SPIRE1: variants seen among roughly 807,000 people sequenced by gnomAD.
SPIRE1 encodes protein spire homolog 1.
In SPIRE1, 40 loss-of-function variants were observed where a neutral mutation model predicts 94.1. The observed-to-expected ratio is 0.43, with a 90% CI of 0.33 to 0.55. The LOEUF (loss-of-function observed/expected upper bound fraction) is 0.55. SPIRE1 is among the 20% of genes least tolerant of loss of function. The probability of loss-of-function intolerance (pLI) is 0.06; values close to 1 mark genes in which losing one functional copy is unlikely to be tolerated. For synonymous variants in SPIRE1, 376 were observed against 371.7 expected, an observed-to-expected ratio of 1.01 and a Z score of -0.13; for missense variants, 838 against 975.2, an observed-to-expected ratio of 0.86 and a Z score of 1.87.
intron 12 of SPIRE1, among the ~76,000 whole-genome samples, chr18:12,461,440 A>ATGTACATATGTACG (rs1568183719): frequency 3.4e-5 from 4 of 119,380 alleles, no homozygotes; most frequent in South Asian, 2.8e-4. Context: ...ATGTATGTAT[A>ATGTACATATGTACG]TACATACATG....
Position 12,591,641 on chromosome 18 carries a change from A to T in SPIRE1, c.372+43421T>A, listed in dbSNP as rs1259445876. On this transcript the variant is annotated intron_variant, in intron 2 of 16. Coordinates refer to ENST00000409402, the MANE Select transcript of SPIRE1 (RefSeq NM_001128626.2). ...ATACATTGACTGTTAGGTATTAAGAATCAAAGGCAACTTCAAGGTTTCTGT... is the reference window on the plus strand; with the variant it reads ...ATACATTGACTGTTAGGTATTAAGATTCAAAGGCAACTTCAAGGTTTCTGT... Among the ~76,000 whole-genome samples, 3 of 152,342 alleles carry T rather than the reference A, an allele frequency of 2.0e-5. No homozygotes were observed. The East Asian group carries it at 5.8e-4, about 29-fold the overall frequency.
At chr18:12,516,612 G>A (rs995268779) in intron 4 of SPIRE1, among the ~76,000 whole-genome samples, 1 of 152,180 alleles carries the variant, frequency 6.6e-6, no homozygotes, top group Non-Finnish European at 1.5e-5. Flanking sequence ...GCTTATTTGA[G>A]TGGGTTTCTG....
At chr18:12,638,773 T>C (rs1229112121) in intron 1 of SPIRE1, among the ~76,000 whole-genome samples, 3 of 151,942 alleles carry the variant, frequency 2.0e-5, no homozygotes, top group Non-Finnish European at 4.4e-5. Context: ...CGAGTTATCA[T>C]GAGATCTGGT....
At chr18:12,617,446 T>C (rs2037344794) in intron 2 of SPIRE1, among the ~76,000 whole-genome samples, 1 of 150,702 alleles carries the variant, frequency 6.6e-6, no homozygotes, top group Admixed American at 6.6e-5. Flanking sequence ...GAGTTTCGCT[T>C]TTTTGTCCAG....
At chr18:12,471,521 A>G (rs939319942) in intron 10 of SPIRE1, among the ~76,000 whole-genome samples, 5 of 151,762 alleles carry the variant, frequency 3.3e-5, no homozygotes, top group Non-Finnish European at 7.4e-5. Context: ...ATGGGGTTTC[A>G]CTATGTTGGC....
intron 7 of SPIRE1, among the ~76,000 whole-genome samples, chr18:12,493,941 G>C (rs2033339617): frequency 6.6e-6 from 1 of 152,066 alleles, no homozygotes; most frequent in African/African-American, 2.4e-5. Context: ...GTCTTGCTCT[G>C]TCACCCAGGC....
intron 2 of SPIRE1, among the ~76,000 whole-genome samples, chr18:12,561,992 T>A (rs747054267): frequency 8.5e-5 from 13 of 152,236 alleles, no homozygotes; most frequent in Non-Finnish European, 1.6e-4. Flanking sequence ...GCAACATTAG[T>A]ACAATTGTCT....
At chr18:12,620,066 CA>C (rs2037423376) in intron 2 of SPIRE1, among the ~76,000 whole-genome samples, 1 of 151,890 alleles carries the variant, frequency 6.6e-6, no homozygotes, top group Non-Finnish European at 1.5e-5. Context: ...GTAATTCCAG[CA>C]CTTAGGGAGG....
chr18:12,593,494 C>T (rs748610532), intron 2 of SPIRE1, among the ~76,000 whole-genome samples: 1 of 152,190 alleles, frequency 6.6e-6, no homozygotes, highest in Non-Finnish European at 1.5e-5. Flanking sequence ...TAATGATCCA[C>T]GCTGAAGACC....
chr18:12,505,355 C>G (rs1387626396), intron 6 of SPIRE1, among the ~76,000 whole-genome samples: 1 of 151,974 alleles, frequency 6.6e-6, no homozygotes. Flanking sequence ...TAAAGACCAG[C>G]CTGGGCAACA....
chr18:12,658,058 C>A lies in SPIRE1; in HGVS notation c.-192G>T. 4.0e-6 allele frequency: 4 copies of A among 992,308 alleles called. No individual in the cohort carries two copies. Among genetic ancestry groups the A allele is most frequent in the Non-Finnish European group, 3.6e-6 (3 of 835,630 alleles). The allele number at this position is 992,308 out of a possible 1,614,324, so 61.5% of individuals were successfully genotyped here. Reference sequence around the variant, plus strand: ...CAAGAGGAGGGCGGCGAGGACACGGCTGCAGTCCCGGTCAGACAGCCGCCG... The same window carrying A: ...CAAGAGGAGGGCGGCGAGGACACGGATGCAGTCCCGGTCAGACAGCCGCCG... On this transcript the variant is annotated 5_prime_UTR_variant, in exon 1 of 17. Coordinates refer to ENST00000409402, the MANE Select transcript of SPIRE1 (RefSeq NM_001128626.2).
In SPIRE1 at chr18:12,657,935, C is replaced by G; in HGVS notation, c.-69G>C. The G allele has an allele frequency of 9.9e-7, 1 of 1,013,250 alleles. No homozygotes were observed. Among genetic ancestry groups the G allele is most frequent in the Non-Finnish European group, 1.2e-6 (1 of 850,284 alleles). 62.8% of individuals were successfully genotyped at this position (1,013,250 alleles called of 1,614,324 possible). Reference sequence around the variant, plus strand: ...CGTCTCCTCAGCTCCGGAGCATCGTCGTCGCGCGCCGCCGCCTCACCATCC... The same window carrying G: ...CGTCTCCTCAGCTCCGGAGCATCGTGGTCGCGCGCCGCCGCCTCACCATCC... On this transcript the variant is annotated 5_prime_UTR_variant, in exon 1 of 17. Transcript: ENST00000409402.
At chr18:12,535,744 C>A in intron 3 of SPIRE1, 143 bp from the exon 4 acceptor site, 1 of 624,910 alleles carries the variant, frequency 1.6e-6, no homozygotes, top group Non-Finnish European at 2.7e-6. Flanking sequence ...ATCATGAGGT[C>A]GAGAGTTCAA....
At chr18:12,593,963 A>T (rs548038926) in intron 2 of SPIRE1, among the ~76,000 whole-genome samples, 5 of 152,008 alleles carry the variant, frequency 3.3e-5, no homozygotes, top group Non-Finnish European at 5.9e-5. Context: ...GAAAAAAAAA[A>T]AATAAGAAGA....
chr18:12,534,319 C>T (rs1300634088), intron 4 of SPIRE1, among the ~76,000 whole-genome samples: 1 of 152,146 alleles, frequency 6.6e-6, no homozygotes, highest in African/African-American at 2.4e-5. Flanking sequence ...AACTGTGGGT[C>T]ATGGTAAGTT....
At chr18:12,654,977 A>G (rs9967437) in intron 1 of SPIRE1, among the ~76,000 whole-genome samples, 56,430 of 151,110 alleles carry the variant, frequency 0.37, 10,821 homozygotes, top group Non-Finnish European at 0.43. Context: ...GCAGTGAGCC[A>G]AGACTGTTCT....
At chr18:12,512,720 C>T (rs977727741) in intron 4 of SPIRE1, among the ~76,000 whole-genome samples, 189 bp from the exon 5 acceptor site, 28 of 151,550 alleles carry the variant, frequency 1.8e-4, no homozygotes, top group African/African-American at 2.2e-4. Context: ...TGAGGATGGA[C>T]GGAGATTGCT....
intron 7 of SPIRE1, among the ~76,000 whole-genome samples, chr18:12,494,822 G>C (rs1246964166): frequency 1.1e-5 from 1 of 91,156 alleles, no homozygotes; most frequent in African/African-American, 4.4e-5. Context: ...CTGGGCGACA[G>C]AGTGAGACTC....
chr18:12,581,285 T>G (rs1226882866), intron 2 of SPIRE1, among the ~76,000 whole-genome samples: 3 of 152,202 alleles, frequency 2.0e-5, no homozygotes, highest in African/African-American at 7.2e-5. Context: ...AACTGCTTAT[T>G]CAAAATATTA....
Sources: allele counts gnomAD v4.1 joint callset (sites outside exome capture counted in the v4.1 genomes callset), GRCh38; gene constraint gnomAD v4.1.1; transcripts MANE v1.5; gene names NCBI Gene and HGNC (gene_info 2026-07-23, HGNC 2026-07-21).